SLIT3: variants seen among roughly 807,000 people sequenced by gnomAD.
SLIT3 encodes slit guidance ligand 3.
Under a neutral mutation model 184.0 loss-of-function variants are expected in SLIT3, and 68 were observed. That is an observed-to-expected ratio of 0.37 (90% CI 0.30 to 0.45). The LOEUF (loss-of-function observed/expected upper bound fraction) is 0.45. Ranked by LOEUF, SLIT3 falls within the 20% of genes least tolerant of loss-of-function variation. SLIT3 has a pLI of 1.00. For missense variants in SLIT3, 1,707 were observed against 2,026.0 expected (o/e 0.84, Z 3.02); for synonymous variants, 831 against 828.6 (o/e 1.00, Z -0.05).
At position 168,920,076 on chromosome 5, in the gene SLIT3, C is replaced by A. The variant is rs563916728; in HGVS notation, c.414-36740G>T. 1.3e-4 allele frequency among the ~76,000 whole-genome samples: 20 copies of A among 152,284 alleles called. No individual in the cohort carries two copies. In the East Asian group the frequency reaches 3.5e-3, roughly 26 times the overall value. On this transcript the variant is annotated intron_variant, in intron 4 of 35. Transcript: ENST00000519560. The stretch of plus-strand genomic sequence containing the variant: ...GTTTATTTTTTTCTAGAAGGGATCT[C>A]TAGCACCTTGCATTGCTGAAACATC...
At chr5:168,843,262 G>T (rs1404906889) in intron 6 of SLIT3, among the ~76,000 whole-genome samples, 1 of 152,070 alleles carries the variant, frequency 6.6e-6, no homozygotes, top group Non-Finnish European at 1.5e-5. Flanking sequence ...TCTCCAACCC[G>T]TTGCTAGTAT....
At chr5:168,753,486 T>C (rs1318182243) in intron 17 of SLIT3, among the ~76,000 whole-genome samples, 1 of 152,278 alleles carries the variant, frequency 6.6e-6, no homozygotes, top group Non-Finnish European at 1.5e-5. Context: ...TATATGTTTA[T>C]GTGCATGTTG....
intron 4 of SLIT3, among the ~76,000 whole-genome samples, chr5:168,978,338 T>A (rs1011910674): frequency 3.3e-5 from 5 of 152,384 alleles, no homozygotes; most frequent in Non-Finnish European, 4.4e-5. Flanking sequence ...CACAGCTCTC[T>A]ACGCTGCACT....
chr5:168,785,426 A>T (rs532986596), intron 12 of SLIT3, among the ~76,000 whole-genome samples: 22 of 152,182 alleles, frequency 1.4e-4, no homozygotes, highest in Non-Finnish European at 2.8e-4. Context: ...TCTTTCCCAG[A>T]TGGATTCACA....
At chr5:169,102,758 A>G (rs1458123777) in intron 4 of SLIT3, among the ~76,000 whole-genome samples, 2 of 152,174 alleles carry the variant, frequency 1.3e-5, no homozygotes, top group African/African-American at 2.4e-5. Context: ...CAAATCTCCT[A>G]CATTAGGGAG....
intron 28 of SLIT3, among the ~76,000 whole-genome samples, chr5:168,694,305 G>C (rs1346107077): frequency 1.3e-5 from 2 of 152,122 alleles, no homozygotes; most frequent in Admixed American, 1.3e-4. Flanking sequence ...TCACTACTGG[G>C]ATTTCTGTCA....
At chr5:168,793,362 T>A (rs1468529978) in intron 10 of SLIT3, among the ~76,000 whole-genome samples, 3 of 151,984 alleles carry the variant, frequency 2.0e-5, no homozygotes, top group African/African-American at 7.3e-5. Context: ...TTAGGAAAAA[T>A]TAGGGTTTTG....
At chr5:168,865,481 A>G (rs1317052980) in intron 5 of SLIT3, among the ~76,000 whole-genome samples, 1 of 152,236 alleles carries the variant, frequency 6.6e-6, no homozygotes, top group African/African-American at 2.4e-5. Context: ...GATGTTAGCT[A>G]CATAAGGTAA....
chr5:168,731,307 CT>C (rs1234217097), intron 20 of SLIT3, among the ~76,000 whole-genome samples: 1 of 151,778 alleles, frequency 6.6e-6, no homozygotes, highest in Non-Finnish European at 1.5e-5. Context: ...ATATCCCCCC[CT>C]AAACTGCCAC....
intron 1 of SLIT3, among the ~76,000 whole-genome samples, chr5:169,263,000 G>A (rs905397321): frequency 1.3e-5 from 2 of 152,164 alleles, no homozygotes; most frequent in Non-Finnish European, 2.9e-5. Flanking sequence ...GTTAAATTGA[G>A]GTCATTAGGG....
At chr5:168,932,859 C>G (rs116191417) in intron 4 of SLIT3, among the ~76,000 whole-genome samples, 1 of 152,196 alleles carries the variant, frequency 6.6e-6, no homozygotes, top group Non-Finnish European at 1.5e-5. Flanking sequence ...AGCTGAACAT[C>G]GCACAACATG....
chr5:169,185,624 C>T (rs1763306462), intron 4 of SLIT3, among the ~76,000 whole-genome samples: 1 of 152,118 alleles, frequency 6.6e-6, no homozygotes. Context: ...ACACATTTTG[C>T]TTGTAGTTAT....
intron 20 of SLIT3, among the ~76,000 whole-genome samples, chr5:168,732,143 C>T (rs1297469631): frequency 1.3e-5 from 2 of 152,178 alleles, no homozygotes; most frequent in South Asian, 2.1e-4. Context: ...CATTCCTAAA[C>T]ACCAATAACT....
intron 4 of SLIT3, among the ~76,000 whole-genome samples, chr5:169,019,577 A>G (rs1756519709): frequency 6.6e-6 from 1 of 152,222 alleles, no homozygotes; most frequent in South Asian, 2.1e-4. Flanking sequence ...TTACATCCAC[A>G]AATGTCAGAA....
intron 10 of SLIT3, 51 bp from the exon 11 acceptor site, chr5:168,789,682 C>G (rs369353984): frequency 3.7e-6 from 5 of 1,346,828 alleles, no homozygotes; most frequent in Middle Eastern, 1.8e-4. Context: ...GGTGCGATAA[C>G]GGTCACTCCT....
chr5:168,867,517 T>C (rs1370959251), intron 5 of SLIT3, among the ~76,000 whole-genome samples: 1 of 152,206 alleles, frequency 6.6e-6, no homozygotes, highest in African/African-American at 2.4e-5. Flanking sequence ...TGTGTGACTT[T>C]GAAGAAGTAG....
intron 14 of SLIT3, 130 bp from the exon 15 acceptor site, chr5:168,762,819 A>G: frequency 9.9e-6 from 9 of 909,808 alleles, no homozygotes; most frequent in Non-Finnish European, 1.6e-5. Context: ...AGTAACAGAC[A>G]CGGCATCGCC....
intron 4 of SLIT3, among the ~76,000 whole-genome samples, chr5:169,175,859 G>A (rs923899398): frequency 2.0e-5 from 3 of 152,170 alleles, no homozygotes; most frequent in African/African-American, 7.2e-5. Flanking sequence ...CCTGCAGGGT[G>A]AGAGCCATGA....
intron 4 of SLIT3, among the ~76,000 whole-genome samples, chr5:168,905,642 C>T (rs1761024620): frequency 6.6e-6 from 1 of 152,196 alleles, no homozygotes. Flanking sequence ...TATATAGACA[C>T]TACAGCTCAA....
Sources: gnomAD v4.1 joint callset for allele counts (sites outside exome capture counted in the v4.1 genomes callset) on GRCh38, gnomAD v4.1.1 for gene constraint, MANE v1.5 for transcripts, NCBI Gene and HGNC (gene_info 2026-07-23, HGNC 2026-07-21) for gene names.